The following LMO3 variants were observed in gnomAD, a reference collection of about 807,000 sequenced individuals.
The protein encoded by LMO3 is LIM domain only 3.
Under a neutral mutation model 15.8 loss-of-function variants are expected in LMO3, and 2 were observed. The ratio of observed to expected loss-of-function variants is 0.13; its 90% CI spans 0.05 to 0.40. The LOEUF (loss-of-function observed/expected upper bound fraction) is 0.40. Among genes scored for constraint, LMO3 ranks in the 10% least tolerant of loss-of-function variants. The pLI, the probability that LMO3 is intolerant of heterozygous loss-of-function variation, is 0.99. For synonymous variants in LMO3, 62 were observed against 63.8 expected (o/e 0.97, Z 0.13); for missense variants, 86 against 182.2 (o/e 0.47, Z 3.04).
chr12:16,597,026 G>T lies in LMO3; in HGVS notation c.206+3629C>A, dbSNP rs1943680902. ...CATAATTTCAGTCAGAAACATGTTA[G>T]AGGAAGTTTTAAAAAGTCAGTCCTT... On this transcript the variant is annotated intron_variant, in intron 2 of 3. Coordinates refer to ENST00000537304, the MANE Select transcript of LMO3 (RefSeq NM_018640.5). This position sits in a 1 kb window ranked among gnomAD's most constrained non-coding sequence, Gnocchi z 5.0. Among the ~76,000 whole-genome samples, 2 of 151,762 alleles carry T rather than the reference G, an allele frequency of 1.3e-5. No individual in the cohort carries two copies. Among genetic ancestry groups the T allele is most frequent in the East Asian group, 3.9e-4 (2 of 5,190 alleles).
Position 16,560,806 on chromosome 12 carries a change from G to C in LMO3, c.207-268C>G. The C allele has an allele frequency of 2.1e-6, 1 of 472,044 alleles. No homozygotes were observed. Among genetic ancestry groups the C allele is most frequent in the Non-Finnish European group, 4.0e-6 (1 of 252,166 alleles). 29.2% of individuals were successfully genotyped at this position (472,044 alleles called of 1,614,324 possible). On this transcript the variant is annotated intron_variant, in intron 2 of 3. Transcript: ENST00000537304. The surrounding 1 kb of genome is among the most constrained non-coding windows in gnomAD (Gnocchi z 5.0). ...CTTACGTAACTGCACATAAACAGAAGTCAATGGGGGTGAATTCATAGCAAA... is the reference window on the plus strand; with the variant it reads ...CTTACGTAACTGCACATAAACAGAACTCAATGGGGGTGAATTCATAGCAAA...
chr12:16,594,276 G>T, intron 2 of LMO3: 1 of 1,520,864 alleles, frequency 6.6e-7, no homozygotes, highest in East Asian at 2.5e-5. Context: ...ACAAGAGGAA[G>T]TGCCATGTGT....
chr12:16,580,393 G>A (rs1943122439), intron 2 of LMO3, among the ~76,000 whole-genome samples: 1 of 152,168 alleles, frequency 6.6e-6, no homozygotes, highest in Non-Finnish European at 1.5e-5. Context: ...AATTTTAGAG[G>A]ACCACTTCTA....
intron 2 of LMO3, among the ~76,000 whole-genome samples, chr12:16,581,022 C>G (rs1347354998): frequency 6.6e-6 from 1 of 152,096 alleles, no homozygotes; most frequent in Non-Finnish European, 1.5e-5. Flanking sequence ...GAAATTGCAG[C>G]CACTAACAAA....
chr12:16,564,730 G>C (rs1369163075), intron 2 of LMO3, among the ~76,000 whole-genome samples: 5 of 152,124 alleles, frequency 3.3e-5, no homozygotes, highest in Non-Finnish European at 7.3e-5. Context: ...CCTTAATTCT[G>C]AGTAAAGATC....
At position 16,605,443 on chromosome 12, in the gene LMO3, C is replaced by G. The variant is rs1451583369; in HGVS notation, c.-9+623G>C. 169 of 757,740 alleles carry G rather than the reference C, an allele frequency of 2.2e-4. 1 individual carries two copies. The highest frequency in any genetic ancestry group is 2.5e-4 in the Non-Finnish European group (159 of 628,506). 46.9% of individuals were successfully genotyped at this position (757,740 alleles called of 1,614,324 possible). A position where few individuals can be genotyped will look rare whatever the true frequency, so the allele number is the denominator to read the frequency against. Reference sequence around the variant, plus strand: ...TTCTGCCCCTACCCGCCTGCCCCCCCCCCCCGCCCCCATGCCCAAACACAG... The same window carrying G: ...TTCTGCCCCTACCCGCCTGCCCCCCGCCCCCGCCCCCATGCCCAAACACAG... On this transcript the variant is annotated intron_variant, in intron 1 of 3. Transcript: ENST00000537304.
intron 1 of LMO3, 108 bp downstream of exon 1, chr12:16,605,958 A>G: frequency 1.2e-6 from 1 of 800,722 alleles, no homozygotes; most frequent in Non-Finnish European, 2.0e-6. Context: ...CCTCATTAGC[A>G]GAGGTTGGGG....
Position 16,604,556 on chromosome 12 carries a change from T to C in LMO3, c.-9+1510A>G, listed in dbSNP as rs1386555728. 3.1e-6 allele frequency: 1 copy of C among 318,440 alleles called. No homozygotes were observed. Among genetic ancestry groups the C allele is most frequent in the African/African-American group, 2.2e-5 (1 of 45,502 alleles). The allele number at this position is 318,440 out of a possible 1,614,324, so 19.7% of individuals were successfully genotyped here. The stretch of plus-strand genomic sequence containing the variant: ...GAGTTCAATTTTGATGCAGCTCACA[T>C]GCAAAATAAAAAAAAAAAATAAGAA... On this transcript the variant is annotated intron_variant, in intron 1 of 3. Transcript: ENST00000537304. This position sits in a 1 kb window ranked among gnomAD's most constrained non-coding sequence, Gnocchi z 5.3.
At chr12:16,588,514 G>T (rs925429783) in intron 2 of LMO3, among the ~76,000 whole-genome samples, 1 of 152,002 alleles carries the variant, frequency 6.6e-6, no homozygotes, top group Non-Finnish European at 1.5e-5. Context: ...AACAGGGAGA[G>T]CATGGATATA....
upstream of LMO3, chr12:16,607,803 G>A (rs1231100361): frequency 6.8e-6 from 1 of 147,734 alleles, no homozygotes; most frequent in Non-Finnish European, 1.5e-5. Context: ...GCTAAATTTT[G>A]TTTTTCTTCA....
rs1054810519 is a variant in LMO3 at position 16,585,066 on chromosome 12, T to C, written c.206+15589A>G. 4.6e-5 allele frequency among the ~76,000 whole-genome samples: 7 copies of C among 152,196 alleles called. No individual in the cohort carries two copies. The highest frequency in any genetic ancestry group is 1.3e-4 in the Admixed American group (2 of 15,274). On this transcript the variant is annotated intron_variant, in intron 2 of 3. Transcript: ENST00000537304. The surrounding 1 kb of genome is among the most constrained non-coding windows in gnomAD (Gnocchi z 4.7). ...ATATCTAGAAAAAATATCTGGTTTA[T>C]CCAGAAAAATCAGCAACATTAGGCC...
intron 3 of LMO3, among the ~76,000 whole-genome samples, chr12:16,553,889 G>A (rs1257423915): frequency 6.7e-6 from 1 of 149,644 alleles, no homozygotes; most frequent in Non-Finnish European, 1.5e-5. Context: ...AAAGCATTAT[G>A]AAAGGAGTGA....
chr12:16,553,536 T>C (rs1229347398), intron 3 of LMO3, among the ~76,000 whole-genome samples: 1 of 152,164 alleles, frequency 6.6e-6, no homozygotes, highest in African/African-American at 2.4e-5. Flanking sequence ...ATTACTAATA[T>C]GTTATCAACT....
chr12:16,551,204 TG>T lies in LMO3; in HGVS notation c.*17del. On this transcript the variant is annotated 3_prime_UTR_variant, in exon 4 of 4. Coordinates refer to ENST00000537304, the MANE Select transcript of LMO3 (RefSeq NM_018640.5). ...AGAATGTAGTGCTTTGTATTCTTAA[TG>T]GGGTGATGTTGATAGATCAGCGAAC... 1 of 1,428,870 alleles carries T rather than the reference TG, an allele frequency of 7.0e-7. No individual in the cohort carries two copies. The highest frequency in any genetic ancestry group is 9.9e-7 in the Non-Finnish European group (1 of 1,011,010). The allele number at this position is 1,428,870 out of a possible 1,614,324, so 88.5% of individuals were successfully genotyped here. A position where few individuals can be genotyped will look rare whatever the true frequency, so the allele number is the denominator to read the frequency against.
At chr12:16,594,134 T>C (rs1367048930) in intron 2 of LMO3, 1 of 1,531,998 alleles carries the variant, frequency 6.5e-7, no homozygotes, top group African/African-American at 1.4e-5. Context: ...TTTTAAAGCT[T>C]ACCAAGCTAT....
At chr12:16,594,459 T>C (rs1275939572) in intron 2 of LMO3, 3 of 437,792 alleles carry the variant, frequency 6.9e-6, no homozygotes, top group African/African-American at 2.0e-5. Context: ...CCCTTTGTTT[T>C]CCAGATCTTG....
At position 16,550,091 on chromosome 12, in the gene LMO3, C is replaced by A. The variant is rs1007063263; in HGVS notation, c.*1131G>T. On this transcript the variant is annotated 3_prime_UTR_variant, in exon 4 of 4. Transcript: ENST00000537304. The stretch of plus-strand genomic sequence containing the variant: ...TATCAATCCCTTTGTTTCTCTTCTT[C>A]TAGAAGATTCTATGAGCATTATGTT... 1 of 152,000 alleles carries A rather than the reference C, an allele frequency of 6.6e-6. No homozygotes were observed. The highest frequency in any genetic ancestry group is 1.5e-5 in the Non-Finnish European group (1 of 67,908). 9.4% of individuals were successfully genotyped at this position (152,000 alleles called of 1,614,324 possible).
intron 2 of LMO3, among the ~76,000 whole-genome samples, chr12:16,580,279 G>A (rs2216235): frequency 1 from 151,739 of 152,290 alleles, 75,596 homozygotes; most frequent in East Asian, 1. Flanking sequence ...TCTGAATTTT[G>A]TCAATGTTTA....
intron 1 of LMO3, among the ~76,000 whole-genome samples, chr12:16,602,450 A>C (rs1591834739): frequency 6.6e-6 from 1 of 152,370 alleles, no homozygotes; most frequent in South Asian, 2.1e-4. Flanking sequence ...TTTCATTAGA[A>C]AATAACTCGT....
Sources: allele counts gnomAD v4.1 joint callset (sites outside exome capture counted in the v4.1 genomes callset), GRCh38; gene constraint gnomAD v4.1.1; non-coding constraint Gnocchi (gnomAD v3.1); transcripts MANE v1.5; gene names NCBI Gene and HGNC (gene_info 2026-07-23, HGNC 2026-07-21).